The following KCNT2 variants were observed in gnomAD, a reference collection of about 807,000 sequenced individuals.
The protein encoded by KCNT2 is potassium channel subfamily T member 2.
Under a neutral mutation model 153.8 loss-of-function variants are expected in KCNT2, and 67 were observed. The ratio of observed to expected loss-of-function variants is 0.44; its 90% confidence interval spans 0.36 to 0.53. The LOEUF (loss-of-function observed/expected upper bound fraction) is 0.53. Among genes scored for constraint, KCNT2 ranks in the 20% least tolerant of loss-of-function variants. The pLI, the probability that KCNT2 is intolerant of heterozygous loss-of-function variation, is 0.00. For synonymous variants in KCNT2, 500 were observed against 458.8 expected, an observed-to-expected ratio of 1.09 and a Z score of -1.15; for missense variants, 975 against 1,354.8, an observed-to-expected ratio of 0.72 and a Z score of 4.40.
At chr1:196,450,457 A>G (rs1676057749) in intron 8 of KCNT2, among the ~76,000 whole-genome samples, 2 of 151,940 alleles carry the variant, frequency 1.3e-5, no homozygotes, top group African/African-American at 2.4e-5. Flanking sequence ...GTAGAATATA[A>G]TGAACTCCTT....
intron 1 of KCNT2, among the ~76,000 whole-genome samples, chr1:196,506,626 A>G (rs74583040): frequency 0.048 from 7,332 of 152,198 alleles, 505 homozygotes; most frequent in African/African-American, 0.15. Context: ...ATTCTAAATC[A>G]GTTTTCCACC....
intron 18 of KCNT2, among the ~76,000 whole-genome samples, chr1:196,329,978 T>C (rs1211640453): frequency 1.4e-5 from 2 of 138,850 alleles, no homozygotes; most frequent in Non-Finnish European, 3.1e-5. Flanking sequence ...TATATATATA[T>C]ATATATTTGA....
chr1:196,363,146 T>C (rs1349728731), intron 14 of KCNT2, among the ~76,000 whole-genome samples: 4 of 152,118 alleles, frequency 2.6e-5, no homozygotes, highest in African/African-American at 7.2e-5. Context: ...CTATGCCTTA[T>C]CCCTTATTTA....
chr1:196,228,911 TAA>T (rs1653706911), intron 27 of KCNT2, among the ~76,000 whole-genome samples: 1 of 152,132 alleles, frequency 6.6e-6, no homozygotes, highest in African/African-American at 2.4e-5. Context: ...GCATAACGTT[TAA>T]ATTAGCAGGA....
At chr1:196,434,285 CAGAGAAGAAAGATAACATAT>C (rs1446731032) in intron 8 of KCNT2, among the ~76,000 whole-genome samples, 2 of 152,004 alleles carry the variant, frequency 1.3e-5, no homozygotes, top group African/African-American at 4.8e-5. Flanking sequence ...CACTAGAGAA[CAGAGAAGAAAGATAACATAT>C]ATTTTTAATG....
At chr1:196,390,561 C>T (rs1670387968) in intron 13 of KCNT2, among the ~76,000 whole-genome samples, 1 of 151,376 alleles carries the variant, frequency 6.6e-6, no homozygotes, top group African/African-American at 2.4e-5. Context: ...TAATAGCTTC[C>T]TAAATAATCA....
intron 1 of KCNT2, among the ~76,000 whole-genome samples, chr1:196,521,668 C>T (rs544831914): frequency 1.9e-4 from 29 of 152,096 alleles, no homozygotes; most frequent in East Asian, 1.5e-3. Context: ...TGGAGCTGGA[C>T]GGCATCATCC....
chr1:196,319,407 A>G, intron 20 of KCNT2, 77 bp downstream of exon 20: 2 of 830,520 alleles, frequency 2.4e-6, no homozygotes, highest in Non-Finnish European at 3.9e-6. Flanking sequence ...TACACTCATC[A>G]TGCAGTAACA....
chr1:196,476,200 A>G (rs77174127), intron 5 of KCNT2, among the ~76,000 whole-genome samples: 2,613 of 152,254 alleles, frequency 0.017, 78 homozygotes, highest in African/African-American at 0.059. Context: ...TGGCCATGTT[A>G]CAGTTTTGTA....
intron 3 of KCNT2, among the ~76,000 whole-genome samples, chr1:196,486,241 C>CAT (rs1679409442): frequency 6.6e-6 from 1 of 151,642 alleles, no homozygotes; most frequent in Non-Finnish European, 1.5e-5. Flanking sequence ...ACTTCCTTGC[C>CAT]ATATATATCT....
At chr1:196,585,867 C>T (rs1662616033) in intron 1 of KCNT2, among the ~76,000 whole-genome samples, 1 of 151,998 alleles carries the variant, frequency 6.6e-6, no homozygotes. Flanking sequence ...GTTTTTATAG[C>T]CCATCAGTTA....
chr1:196,291,736 C>T (rs1660205467), intron 22 of KCNT2, among the ~76,000 whole-genome samples: 1 of 152,024 alleles, frequency 6.6e-6, no homozygotes, highest in Admixed American at 6.5e-5. Flanking sequence ...TAATAAGTTC[C>T]ATCATTTAAC....
chr1:196,471,470 G>A (rs1678104247), intron 5 of KCNT2, among the ~76,000 whole-genome samples: 1 of 151,742 alleles, frequency 6.6e-6, no homozygotes. Context: ...GTTTTTACAC[G>A]GCATCATTTC....
At chr1:196,491,313 C>T (rs1679843691) in intron 2 of KCNT2, among the ~76,000 whole-genome samples, 1 of 151,924 alleles carries the variant, frequency 6.6e-6, no homozygotes, top group Non-Finnish European at 1.5e-5. Flanking sequence ...ACCTTGAGGC[C>T]AGCCTGTCAT....
chr1:196,272,426 GA>G (rs749677966), intron 25 of KCNT2, among the ~76,000 whole-genome samples: 1 of 151,666 alleles, frequency 6.6e-6, no homozygotes. Context: ...TCAACCCTCT[GA>G]AAAACCTTTT....
intron 14 of KCNT2, chr1:196,343,022 G>A (rs1020106740): frequency 6.6e-6 from 1 of 152,116 alleles, no homozygotes; most frequent in African/African-American, 2.4e-5. Context: ...GAAAATACAA[G>A]TCAGCAGTTT....
intron 14 of KCNT2, among the ~76,000 whole-genome samples, chr1:196,352,963 A>T (rs1339230129): frequency 1.3e-5 from 2 of 152,064 alleles, no homozygotes; most frequent in Non-Finnish European, 2.9e-5. Flanking sequence ...TTATGTACCC[A>T]GTAGTCATTC....
Position 196,325,053 on chromosome 1 carries a change from G to T in KCNT2, c.2276+1664C>A, listed in dbSNP as rs74426634. On this transcript the variant is annotated intron_variant, in intron 19 of 27. Transcript: ENST00000294725. ...TGGAGACTTAGAGATTTGAAATAAG[G>T]TTACCTAGCAAGACTGAAGATTGAA... 3.7e-3 allele frequency among the ~76,000 whole-genome samples: 566 copies of T among 152,176 alleles called. 3 individuals are homozygous for T. Among genetic ancestry groups the T allele is most frequent in the African/African-American group, 0.013 (529 of 41,542 alleles).
intron 22 of KCNT2, among the ~76,000 whole-genome samples, chr1:196,295,438 G>A (rs980814871): frequency 2.0e-5 from 3 of 150,930 alleles, no homozygotes; most frequent in African/African-American, 7.3e-5. Flanking sequence ...AACAGGCAAA[G>A]TCAACATTAA....
Sources: allele counts gnomAD v4.1 joint callset (sites outside exome capture counted in the v4.1 genomes callset), GRCh38; gene constraint gnomAD v4.1.1; transcripts MANE v1.5; gene names NCBI Gene and HGNC (gene_info 2026-07-23, HGNC 2026-07-21).